The following DNAH9 variants were observed in gnomAD, a reference collection of about 807,000 sequenced individuals.
DNAH9 encodes dynein axonemal heavy chain 9, also known as DNAH9 variant protein.
A neutral mutation model predicts 471.6 loss-of-function variants in DNAH9; 345 were observed. The ratio of observed to expected loss-of-function variants is 0.73; its 90% CI spans 0.67 to 0.80. The LOEUF (loss-of-function observed/expected upper bound fraction) is 0.80. Ranked by LOEUF, DNAH9 falls within the 30% of genes least tolerant of loss-of-function variation. DNAH9 has a pLI of 0.00. For synonymous variants in DNAH9, 2,093 were observed against 2,123.6 expected, an observed-to-expected ratio of 0.99 and a Z score of 0.40; for missense variants, 5,407 against 5,609.2, an observed-to-expected ratio of 0.96 and a Z score of 1.15.
chr17:11,859,041 G>A (rs1203459728), intron 50 of DNAH9, among the ~76,000 whole-genome samples: 5 of 136,956 alleles, frequency 3.7e-5, no homozygotes, highest in African/African-American at 8.4e-5. Context: ...CCAAGATTGC[G>A]CCATTGCACT....
Position 11,969,309 on chromosome 17 carries a change from A to C in DNAH9, c.13243A>C (p.Ile4415Leu). ...CATGTTTTATCCTCAGGCTGGGATC[A>C]TTACAGAGGCAAAGCTGAAGGATCT... ...GACWDTQAGI[I>L]TEAKLKDLTP... Residue 4415 changes from isoleucine to leucine, a missense_variant, in exon 69 of 69, where the codon ATT (isoleucine) becomes CTT (leucine). Coordinates refer to ENST00000262442, the MANE Select transcript of DNAH9 (RefSeq NM_001372.4). 2 of 1,613,948 alleles carry C rather than the reference A, an allele frequency of 1.2e-6. No individual in the cohort carries two copies. Among genetic ancestry groups the C allele is most frequent in the Non-Finnish European group, 1.7e-6 (2 of 1,179,946 alleles).
At chr17:11,767,920 AT>A (rs1344754435) in intron 36 of DNAH9, among the ~76,000 whole-genome samples, 3 of 151,996 alleles carry the variant, frequency 2.0e-5, no homozygotes, top group Non-Finnish European at 4.4e-5. Context: ...CAGAAACCTC[AT>A]TTTGCAGACG....
chr17:11,928,137 T>TCA (rs1974393258), intron 62 of DNAH9, among the ~76,000 whole-genome samples: 4 of 152,108 alleles, frequency 2.6e-5, no homozygotes, highest in East Asian at 1.9e-4. Flanking sequence ...ATTCATTCAT[T>TCA]TATTTATTTA....
chr17:11,947,072 A>G (rs918097734), intron 67 of DNAH9, among the ~76,000 whole-genome samples: 1 of 152,250 alleles, frequency 6.6e-6, no homozygotes, highest in Non-Finnish European at 1.5e-5. Context: ...CTCAAAGCAC[A>G]CAAAAGTGGT....
chr17:11,856,999 A>G (rs1345226545), intron 50 of DNAH9, among the ~76,000 whole-genome samples: 2 of 152,080 alleles, frequency 1.3e-5, no homozygotes, highest in African/African-American at 4.8e-5. Flanking sequence ...CAAGCAGACT[A>G]CAGGCATGAG....
chr17:11,869,641 G>A (rs1216128917), intron 51 of DNAH9, among the ~76,000 whole-genome samples: 1 of 152,168 alleles, frequency 6.6e-6, no homozygotes, highest in Admixed American at 6.5e-5. Context: ...TAGGAACTGA[G>A]ATAGAAACAG....
At chr17:11,746,262 A>C (rs904466255) in intron 31 of DNAH9, among the ~76,000 whole-genome samples, 46 of 152,196 alleles carry the variant, frequency 3.0e-4, no homozygotes, top group Non-Finnish European at 4.4e-5. Flanking sequence ...TCATGGCAGA[A>C]GGTGAAGGAG....
At chr17:11,685,749 G>A (rs751247154) in intron 19 of DNAH9, among the ~76,000 whole-genome samples, 1 of 152,056 alleles carries the variant, frequency 6.6e-6, no homozygotes, top group Non-Finnish European at 1.5e-5. Context: ...TCACTGAGGC[G>A]GGCACAGAAT....
chr17:11,645,867 CTTTTTCTTTTTCTTTTT>C, intron 11 of DNAH9, among the ~76,000 whole-genome samples: 1 of 127,634 alleles, frequency 7.8e-6, no homozygotes, highest in African/African-American at 2.7e-5. Flanking sequence ...GTACATTTCT[CTTTTTCTTTTTCTTTTT>C]TTTTTTTTTT....
chr17:11,881,237 G>T lies in DNAH9; in HGVS notation c.10630G>T (p.Glu3544Ter), dbSNP rs1239002719. Reference sequence around the variant, plus strand: ...CATTAAAATTGGAGACAAAGAATGTGAATACAATCCCAAGTTCCGGCTCAT... The same window carrying T: ...CATTAAAATTGGAGACAAAGAATGTTAATACAATCCCAAGTTCCGGCTCAT... ...RFIKIGDKEC[E>*]YNPKFRLILH... The change falls in exon 55 of 69, where the codon GAA (glutamate) becomes TAA (stop). Residue 3544 changes from glutamate (E) to a stop codon, truncating the protein, a stop_gained. Coordinates refer to ENST00000262442, the MANE Select transcript of DNAH9 (RefSeq NM_001372.4). LOFTEE classifies it high-confidence loss of function. 6.2e-7 allele frequency: 1 copy of T among 1,614,162 alleles called. No individual in the cohort carries two copies. The highest frequency in any genetic ancestry group is 8.5e-7 in the Non-Finnish European group (1 of 1,180,026).
chr17:11,932,186 TC>T lies in DNAH9; in HGVS notation c.12280del (p.Leu4094TrpfsTer47). 2 of 1,613,864 alleles carry T rather than the reference TC, an allele frequency of 1.2e-6. No individual in the cohort carries two copies. Among genetic ancestry groups the T allele is most frequent in the South Asian group, 2.2e-5 (2 of 91,054 alleles). ...ATCTCTGTGAATGTCCTCTACAACTTCCTGGAGGCCAACGCAAAGGTAAAGG... is the reference window on the plus strand; with the variant it reads ...ATCTCTGTGAATGTCCTCTACAACTTCTGGAGGCCAACGCAAAGGTAAAGG... ...LTISVNVLYN[F>X]LEANAKVPYD... On this transcript the variant is annotated frameshift_variant, in exon 64 of 69. Coordinates refer to ENST00000262442, the MANE Select transcript of DNAH9 (RefSeq NM_001372.4). LOFTEE classifies it high-confidence loss of function. This position sits in a 1 kb window ranked among gnomAD's most constrained non-coding sequence, Gnocchi z 4.3.
chr17:11,812,054 T>TATAC lies in DNAH9; in HGVS notation c.8707+1686_8707+1687insTACA, dbSNP rs1282451711. Among the ~76,000 whole-genome samples the TATAC allele has an allele frequency of 4.9e-4, 23 of 47,360 alleles. 3 individuals are homozygous for TATAC. Among genetic ancestry groups the TATAC allele is most frequent in the South Asian group, 3.0e-3 (4 of 1,324 alleles). The allele number at this position is 47,360 out of a possible 152,430, so 31.1% of individuals were successfully genotyped here. Reference sequence around the variant, plus strand: ...ATATATATATATATATATATATATATACACATACATACACACATACATCCA... The same window carrying TATAC: ...ATATATATATATATATATATATATATATACACACATACATACACACATACATCCA... On this transcript the variant is annotated intron_variant, in intron 45 of 68. Transcript: ENST00000262442.
At chr17:11,952,649 A>G (rs1244114805) in intron 67 of DNAH9, among the ~76,000 whole-genome samples, 2 of 152,028 alleles carry the variant, frequency 1.3e-5, no homozygotes, top group Admixed American at 6.5e-5. Flanking sequence ...GTTTCCCCAT[A>G]AAGCACAATA....
At chr17:11,730,304 T>C (rs1475616602) in intron 28 of DNAH9, among the ~76,000 whole-genome samples, 1 of 152,164 alleles carries the variant, frequency 6.6e-6, no homozygotes, top group Non-Finnish European at 1.5e-5. Context: ...CCTTCCATCA[T>C]GAAAGCTGCC....
At chr17:11,656,836 C>T (rs144044849) in intron 14 of DNAH9, among the ~76,000 whole-genome samples, 102 of 152,228 alleles carry the variant, frequency 6.7e-4, no homozygotes, top group Middle Eastern at 6.8e-3. Context: ...AATGGAATTA[C>T]GTAGCAAGTT....
chr17:11,732,730 G>A (rs1175320826), intron 28 of DNAH9, among the ~76,000 whole-genome samples: 1 of 152,114 alleles, frequency 6.6e-6, no homozygotes, highest in Non-Finnish European at 1.5e-5. Flanking sequence ...ATTGCAATCA[G>A]CTGTCTATGC....
chr17:11,660,441 G>C (rs1284933780), intron 14 of DNAH9, among the ~76,000 whole-genome samples: 2 of 149,200 alleles, frequency 1.3e-5, no homozygotes, highest in African/African-American at 4.9e-5. Flanking sequence ...TTGTGCTTCA[G>C]CCTCCCAAAT....
At chr17:11,966,665 G>A (rs1976751667) in intron 68 of DNAH9, among the ~76,000 whole-genome samples, 1 of 152,136 alleles carries the variant, frequency 6.6e-6, no homozygotes, top group African/African-American at 2.4e-5. Context: ...CTGTGTTGAT[G>A]GATAGAAATG....
intron 33 of DNAH9, among the ~76,000 whole-genome samples, chr17:11,753,401 AC>A (rs1967239227): frequency 6.6e-6 from 1 of 152,034 alleles, no homozygotes. Flanking sequence ...AAACAATGAA[AC>A]CTCTGTAGTC....
Sources: allele counts gnomAD v4.1 joint callset (sites outside exome capture counted in the v4.1 genomes callset), GRCh38; gene constraint gnomAD v4.1.1; non-coding constraint Gnocchi (gnomAD v3.1); transcripts MANE v1.5; gene names NCBI Gene and HGNC (gene_info 2026-07-23, HGNC 2026-07-21).